The following CRIM1 variants were observed in gnomAD, a reference collection of about 807,000 sequenced individuals.
CRIM1 encodes cysteine rich transmembrane BMP regulator 1, also known as cysteine-rich motor neuron 1 protein.
In CRIM1, 32 loss-of-function variants were observed where a neutral mutation model predicts 116.4. The ratio of observed to expected loss-of-function variants is 0.27; its 90% CI spans 0.21 to 0.37. The LOEUF (loss-of-function observed/expected upper bound fraction) is 0.37. CRIM1 is among the 10% of genes least tolerant of loss of function. The pLI is 1.00. For missense variants in CRIM1, 1,331 were observed against 1,354.8 expected (o/e 0.98, Z 0.28); for synonymous variants, 590 against 509.2 (o/e 1.16, Z -2.13).
At chr2:36,508,421 A>AGT (rs1205610307) in intron 8 of CRIM1, among the ~76,000 whole-genome samples, 1 of 152,212 alleles carries the variant, frequency 6.6e-6, no homozygotes, top group African/African-American at 2.4e-5. Context: ...TTATAATATA[A>AGT]GTGTGTTTTG....
chr2:36,481,781 C>T (rs957386668), intron 7 of CRIM1, among the ~76,000 whole-genome samples: 5 of 152,142 alleles, frequency 3.3e-5, no homozygotes, highest in African/African-American at 9.7e-5. Context: ...TTGTCAGATT[C>T]GGCTCCATTT....
At chr2:36,405,692 A>G (rs925903671) in intron 2 of CRIM1, among the ~76,000 whole-genome samples, 10 of 152,210 alleles carry the variant, frequency 6.6e-5, no homozygotes, top group Admixed American at 4.6e-4. Flanking sequence ...AGAGAACATC[A>G]TATCTTCAAG....
chr2:36,521,944 C>T (rs1020950896), intron 12 of CRIM1, 148 bp from the exon 13 acceptor site: 10 of 647,160 alleles, frequency 1.5e-5, no homozygotes, highest in East Asian at 5.4e-5. Flanking sequence ...AGACCCTTCC[C>T]GAATCATACT....
chr2:36,468,444 T>A (rs1678219765), intron 5 of CRIM1, among the ~76,000 whole-genome samples: 1 of 152,210 alleles, frequency 6.6e-6, no homozygotes, highest in Non-Finnish European at 1.5e-5. Context: ...TCATGACAGT[T>A]TGTAACTGCA....
At position 36,389,333 on chromosome 2, in the gene CRIM1, G is replaced by T. The variant is rs1443293640; in HGVS notation, c.332-7281G>T. Among the ~76,000 whole-genome samples, 3 of 152,156 alleles carry T rather than the reference G, an allele frequency of 2.0e-5. No homozygotes were observed. The East Asian group carries it at 5.8e-4, about 29-fold the overall frequency. ...GGAATGCCTGATAACAGCCAGCCAG[G>T]AGCTGGGGGAGTTAAGAGCAGCGAT... On this transcript the variant is annotated intron_variant, in intron 1 of 16. Coordinates refer to ENST00000280527, the MANE Select transcript of CRIM1 (RefSeq NM_016441.3).
At chr2:36,450,474 C>G (rs3770878) in intron 4 of CRIM1, among the ~76,000 whole-genome samples, 1 of 152,300 alleles carries the variant, frequency 6.6e-6, no homozygotes, top group East Asian at 1.9e-4. Flanking sequence ...TTTAGGTTCT[C>G]TTTTCCTAAC....
chr2:36,462,576 A>G (rs1274983755), intron 4 of CRIM1, among the ~76,000 whole-genome samples: 1 of 152,196 alleles, frequency 6.6e-6, no homozygotes, highest in African/African-American at 2.4e-5. Context: ...GTACACTCTC[A>G]GGTGTTTAGA....
intron 4 of CRIM1, among the ~76,000 whole-genome samples, chr2:36,462,597 TC>T (rs1238412011): frequency 4.6e-5 from 7 of 152,208 alleles, no homozygotes; most frequent in African/African-American, 1.7e-4. Context: ...GTAGAATGAT[TC>T]CCTGGAGCAC....
intron 13 of CRIM1, among the ~76,000 whole-genome samples, chr2:36,526,038 T>TAGGATTGA (rs1361858521): frequency 1.3e-5 from 2 of 152,204 alleles, no homozygotes; most frequent in Non-Finnish European, 2.9e-5. Context: ...ACATAATTAA[T>TAGGATTGA]AGGATTGATG....
chr2:36,457,552 G>A (rs1053199652), intron 4 of CRIM1, among the ~76,000 whole-genome samples: 3 of 152,024 alleles, frequency 2.0e-5, no homozygotes, highest in African/African-American at 7.2e-5. Flanking sequence ...AGGAAATCAC[G>A]CAGGAATAAG....
intron 7 of CRIM1, among the ~76,000 whole-genome samples, chr2:36,485,804 ATGC>A (rs1679776151): frequency 2.0e-5 from 3 of 152,210 alleles, no homozygotes; most frequent in Admixed American, 2.0e-4. Context: ...GCCATATACG[ATGC>A]TATTATTAGT....
chr2:36,425,316 A>T (rs1177639991), intron 2 of CRIM1, among the ~76,000 whole-genome samples: 2 of 152,262 alleles, frequency 1.3e-5, no homozygotes, highest in Non-Finnish European at 2.9e-5. Context: ...CTCAACTGTT[A>T]GATATACTCA....
At chr2:36,384,384 A>G (rs1288185383) in intron 1 of CRIM1, among the ~76,000 whole-genome samples, 2 of 152,224 alleles carry the variant, frequency 1.3e-5, no homozygotes, top group African/African-American at 2.4e-5. Context: ...GAGTGCCATC[A>G]TAGATTTATA....
At chr2:36,488,548 G>C (rs1225009302) in intron 7 of CRIM1, among the ~76,000 whole-genome samples, 2 of 152,162 alleles carry the variant, frequency 1.3e-5, no homozygotes, top group African/African-American at 2.4e-5. Flanking sequence ...ACATGTTTCT[G>C]AAATTTGCCA....
At chr2:36,543,743 T>C (rs1183172620) in intron 14 of CRIM1, among the ~76,000 whole-genome samples, 1 of 148,558 alleles carries the variant, frequency 6.7e-6, no homozygotes, top group African/African-American at 2.6e-5. Flanking sequence ...TTCTTCTGTT[T>C]GTTTTATGTT....
chr2:36,359,214 A>C (rs1418964248), intron 1 of CRIM1, among the ~76,000 whole-genome samples: 1 of 152,132 alleles, frequency 6.6e-6, no homozygotes, highest in Non-Finnish European at 1.5e-5. Context: ...CACTAAAATG[A>C]CCCCTACTGG....
chr2:36,502,924 A>C (rs1284974778), intron 8 of CRIM1, among the ~76,000 whole-genome samples: 1 of 152,140 alleles, frequency 6.6e-6, no homozygotes, highest in Non-Finnish European at 1.5e-5. Flanking sequence ...TATCCATCTT[A>C]TTTTGGATTC....
chr2:36,544,260 C>A (rs1038784250), intron 14 of CRIM1, 116 bp from the exon 15 acceptor site: 9 of 942,264 alleles, frequency 9.6e-6, no homozygotes, highest in Non-Finnish European at 1.3e-5. Context: ...GAAACTGCAT[C>A]TTTCATGTCC....
intron 12 of CRIM1, among the ~76,000 whole-genome samples, 164 bp downstream of exon 12, chr2:36,517,706 T>C (rs1340856376): frequency 3.9e-5 from 6 of 152,198 alleles, no homozygotes; most frequent in Non-Finnish European, 4.4e-5. Context: ...TGTATTCTCT[T>C]TATCAACCAC....
Sources: allele counts gnomAD v4.1 joint callset (sites outside exome capture counted in the v4.1 genomes callset), GRCh38; gene constraint gnomAD v4.1.1; transcripts MANE v1.5; gene names NCBI Gene and HGNC (gene_info 2026-07-23, HGNC 2026-07-21).